The following AGBL4 variants were observed in gnomAD, a reference collection of about 807,000 sequenced individuals.
The protein encoded by AGBL4 is cytosolic carboxypeptidase 6.
In AGBL4, 58 loss-of-function variants were observed where a neutral mutation model predicts 66.4. That is an observed-to-expected ratio of 0.87 (90% CI 0.71 to 1.09). The LOEUF is 1.09. AGBL4 is among the 50% of genes least tolerant of loss of function. The pLI is 0.00. For synonymous variants in AGBL4, 234 were observed against 222.9 expected, an observed-to-expected ratio of 1.05 and a Z score of -0.44; for missense variants, 579 against 631.0, an observed-to-expected ratio of 0.92 and a Z score of 0.88.
intron 4 of AGBL4, among the ~76,000 whole-genome samples, chr1:49,214,273 C>T (rs943767264): frequency 6.6e-6 from 1 of 152,050 alleles, no homozygotes; most frequent in African/African-American, 2.4e-5. Context: ...GGGAAATAAC[C>T]CAGTAACCTA....
intron 4 of AGBL4, among the ~76,000 whole-genome samples, chr1:49,195,159 CTGTT>C (rs925976668): frequency 3.3e-5 from 5 of 151,978 alleles, no homozygotes; most frequent in African/African-American, 4.8e-5. Context: ...ATTCCTATGT[CTGTT>C]TGTCTTTGTG....
At chr1:49,733,320 A>C (rs1649601066) in intron 2 of AGBL4, among the ~76,000 whole-genome samples, 1 of 152,242 alleles carries the variant, frequency 6.6e-6, no homozygotes, top group South Asian at 2.1e-4. Flanking sequence ...ACCAAGAGGT[A>C]AATTCAATTT....
intron 5 of AGBL4, among the ~76,000 whole-genome samples, chr1:48,897,571 G>A (rs1267223761): frequency 6.6e-6 from 1 of 152,026 alleles, no homozygotes; most frequent in African/African-American, 2.4e-5. Context: ...CTTCATAGTG[G>A]TTGTACTAGT....
chr1:49,688,551 T>C (rs1646828559), intron 3 of AGBL4, among the ~76,000 whole-genome samples: 1 of 152,202 alleles, frequency 6.6e-6, no homozygotes, highest in Non-Finnish European at 1.5e-5. Flanking sequence ...ACATTGCAAA[T>C]ATATCTTCAA....
intron 1 of AGBL4, among the ~76,000 whole-genome samples, chr1:49,975,559 G>A (rs894641288): frequency 3.3e-5 from 5 of 152,096 alleles, no homozygotes; most frequent in African/African-American, 1.2e-4. Context: ...CCAGCCTACA[G>A]AGCTAAGATC....
intron 4 of AGBL4, among the ~76,000 whole-genome samples, chr1:49,162,515 G>C (rs1193140206): frequency 6.6e-6 from 1 of 152,080 alleles, no homozygotes; most frequent in Non-Finnish European, 1.5e-5. Flanking sequence ...TTGCCTATGA[G>C]AACAAAAATA....
intron 1 of AGBL4, among the ~76,000 whole-genome samples, chr1:49,925,045 A>ACAC (rs796440953): frequency 6.6e-6 from 1 of 152,324 alleles, no homozygotes; most frequent in African/African-American, 2.4e-5. Flanking sequence ...GCCCAGTGAA[A>ACAC]CACCAGCGAG....
chr1:49,302,608 TTTTTATTTTATTTTATTTTATTTTA>T lies in AGBL4; in HGVS notation c.283-56769_283-56745del, dbSNP rs1167039507. Among the ~76,000 whole-genome samples the T allele has an allele frequency of 9.6e-3, 1,054 of 110,108 alleles. 2 individuals are homozygous for T. Among genetic ancestry groups the T allele is most frequent in the African/African-American group, 0.015 (426 of 28,794 alleles). The allele number at this position is 110,108 out of a possible 152,430, so 72.2% of individuals were successfully genotyped here. A position where few individuals can be genotyped will look rare whatever the true frequency, so the allele number is the denominator to read the frequency against. On this transcript the variant is annotated intron_variant, in intron 3 of 13. Transcript: ENST00000371839. ...ATTTTATTTTATATTTTATTTTATTTTTTTATTTTATTTTATTTTATTTTATTTTATTTTATTTTATTTTATTTTA... is the reference window on the plus strand; with the variant it reads ...ATTTTATTTTATATTTTATTTTATTTTTTTATTTTATTTTATTTTATTTTA...
At chr1:49,424,064 C>T (rs898068600) in intron 3 of AGBL4, among the ~76,000 whole-genome samples, 1 of 152,150 alleles carries the variant, frequency 6.6e-6, no homozygotes, top group African/African-American at 2.4e-5. Flanking sequence ...ATCCCCAACA[C>T]CCTCTGGTCT....
chr1:49,233,415 C>T (rs1478025157), intron 4 of AGBL4, among the ~76,000 whole-genome samples: 4 of 152,162 alleles, frequency 2.6e-5, no homozygotes, highest in Non-Finnish European at 5.9e-5. Flanking sequence ...TTAATAACAA[C>T]AACTGAGGCT....
chr1:49,994,978 C>A (rs1226367802), intron 1 of AGBL4: 2 of 370,182 alleles, frequency 5.4e-6, no homozygotes, highest in Non-Finnish European at 1.1e-5. Flanking sequence ...AGGAAAGAGC[C>A]CCGTGGGCAC....
At chr1:48,763,719 G>A (rs537398860) in intron 6 of AGBL4, among the ~76,000 whole-genome samples, 6 of 152,208 alleles carry the variant, frequency 3.9e-5, no homozygotes, top group African/African-American at 1.2e-4. Flanking sequence ...GCAATCGTTC[G>A]GACTCACAAA....
chr1:49,716,270 G>A (rs1168920097), intron 2 of AGBL4, among the ~76,000 whole-genome samples: 1 of 152,054 alleles, frequency 6.6e-6, no homozygotes, highest in African/African-American at 2.4e-5. Flanking sequence ...GTAGATGTGT[G>A]GAGTTATTTC....
chr1:49,709,399 C>A (rs1398055749), intron 2 of AGBL4, among the ~76,000 whole-genome samples: 1 of 152,186 alleles, frequency 6.6e-6, no homozygotes, highest in Non-Finnish European at 1.5e-5. Flanking sequence ...TGGTGGACGG[C>A]CCTTTCCCCA....
chr1:49,565,084 C>A (rs1374326872), intron 3 of AGBL4, among the ~76,000 whole-genome samples: 1 of 152,138 alleles, frequency 6.6e-6, no homozygotes, highest in Non-Finnish European at 1.5e-5. Flanking sequence ...CTCTTTTGAT[C>A]TTTGTTGGTT....
intron 6 of AGBL4, among the ~76,000 whole-genome samples, chr1:48,863,344 G>T (rs184156747): frequency 8.6e-5 from 13 of 152,010 alleles, no homozygotes; most frequent in East Asian, 5.8e-4. Context: ...AGGCAGAAAA[G>T]AAATAAAGTG....
At chr1:49,783,270 T>C (rs958372194) in intron 2 of AGBL4, among the ~76,000 whole-genome samples, 8 of 152,176 alleles carry the variant, frequency 5.3e-5, no homozygotes, top group African/African-American at 1.9e-4. Flanking sequence ...ATATCTTTTA[T>C]CAATCATTAA....
intron 4 of AGBL4, among the ~76,000 whole-genome samples, chr1:49,209,135 C>T (rs1648473724): frequency 6.6e-6 from 1 of 151,950 alleles, no homozygotes; most frequent in African/African-American, 2.4e-5. Context: ...AAATGTTTCA[C>T]CAATTTAATA....
intron 3 of AGBL4, among the ~76,000 whole-genome samples, chr1:49,381,302 T>C (rs1172805449): frequency 3.9e-5 from 6 of 152,174 alleles, no homozygotes; most frequent in Non-Finnish European, 5.9e-5. Flanking sequence ...TGAGATATCA[T>C]CTCACACCAG....
Sources: gnomAD v4.1 joint callset for allele counts (sites outside exome capture counted in the v4.1 genomes callset) on GRCh38, gnomAD v4.1.1 for gene constraint, MANE v1.5 for transcripts, NCBI Gene and HGNC (gene_info 2026-07-23, HGNC 2026-07-21) for gene names.